The following RHEX variants were observed in gnomAD, a reference collection of about 807,000 sequenced individuals.
The protein encoded by RHEX is regulator of hemoglobinization and erythroid cell expansion protein.
In RHEX, 18 loss-of-function variants were observed where a neutral mutation model predicts 20.1. That is an observed-to-expected ratio of 0.90 (90% CI 0.62 to 1.33). The LOEUF (loss-of-function observed/expected upper bound fraction) is 1.33, where lower values mean the gene tolerates loss of function less well. RHEX is among the 40% of genes most tolerant of loss of function. The probability of loss-of-function intolerance (pLI) is 0.00; values close to 1 mark genes in which losing one functional copy is unlikely to be tolerated. For missense variants in RHEX, 192 were observed against 214.3 expected (o/e 0.90, Z 0.65); for synonymous variants, 87 against 77.1 (o/e 1.13, Z -0.67).
chr1:206,065,175 A>G (rs1662399997), intron 1 of RHEX, among the ~76,000 whole-genome samples: 1 of 152,120 alleles, frequency 6.6e-6, no homozygotes, highest in Non-Finnish European at 1.5e-5. Flanking sequence ...GGAAAACCAG[A>G]GACCTTTGTT....
At chr1:206,061,199 G>A (rs1662302870) in intron 1 of RHEX, 1 of 152,168 alleles carries the variant, frequency 6.6e-6, no homozygotes, top group African/African-American at 2.4e-5. Flanking sequence ...GTGTCTTCCT[G>A]GGAATTTAAC....
At chr1:206,060,261 T>C (rs782789208) in intron 1 of RHEX, 2 of 151,966 alleles carry the variant, frequency 1.3e-5, no homozygotes, top group Non-Finnish European at 1.5e-5. Flanking sequence ...AGATAATGAA[T>C]GTGCCCAATA....
intron 1 of RHEX, among the ~76,000 whole-genome samples, chr1:206,083,326 T>C (rs1175275294): frequency 2.6e-5 from 4 of 152,170 alleles, no homozygotes; most frequent in African/African-American, 9.7e-5. Flanking sequence ...GTATTTGTGG[T>C]ATCTAAATGT....
At chr1:206,086,305 C>T (rs1473256295) in intron 1 of RHEX, among the ~76,000 whole-genome samples, 2 of 152,186 alleles carry the variant, frequency 1.3e-5, no homozygotes, top group Admixed American at 6.5e-5. Flanking sequence ...GGATCATCCT[C>T]TGGTACCTAT....
At chr1:206,064,700 G>C (rs1553283949) in intron 1 of RHEX, among the ~76,000 whole-genome samples, 1 of 151,310 alleles carries the variant, frequency 6.6e-6, no homozygotes, top group African/African-American at 2.4e-5. Context: ...CGGGAGGTGA[G>C]GGGTGCCTCT....
At chr1:206,064,278 C>T (rs1302197213) in intron 1 of RHEX, among the ~76,000 whole-genome samples, 7 of 145,008 alleles carry the variant, frequency 4.8e-5, no homozygotes, top group East Asian at 2.1e-4. Flanking sequence ...GTCAGCCCCC[C>T]GCCCGGCCAG....
At chr1:206,069,886 A>G (rs561941896) in intron 1 of RHEX, among the ~76,000 whole-genome samples, 2 of 152,274 alleles carry the variant, frequency 1.3e-5, no homozygotes, top group African/African-American at 4.8e-5. Flanking sequence ...GGTATTTTCA[A>G]TTTCCTTGGG....
chr1:206,101,103 T>G, intron 4 of RHEX, 33 bp from the exon 5 acceptor site: 1 of 1,591,010 alleles, frequency 6.3e-7, no homozygotes, highest in Non-Finnish European at 8.6e-7. Flanking sequence ...TCTGGCTTGC[T>G]TTGGAAGAGG....
rs1307811481 is a variant in RHEX at position 206,102,254 on chromosome 1, A to C, written c.*302A>C. 7.2e-6 allele frequency: 3 copies of C among 417,734 alleles called. No homozygotes were observed. The highest frequency in any genetic ancestry group is 1.3e-5 in the Non-Finnish European group (3 of 228,268). 25.9% of individuals were successfully genotyped at this position (417,734 alleles called of 1,614,324 possible). ...GATGTTAGGAAGAACTTTCAGGTAA[A>C]GTATGAGAACTATGGAGTCCATCAG... On this transcript the variant is annotated 3_prime_UTR_variant, in exon 6 of 6. Transcript: ENST00000331555.
chr1:206,071,885 AGT>A (rs1662543359), intron 1 of RHEX, among the ~76,000 whole-genome samples: 1 of 152,082 alleles, frequency 6.6e-6, no homozygotes, highest in South Asian at 2.1e-4. Context: ...AGAAAAAGAA[AGT>A]GTAAAAAATT....
At position 206,071,878 on chromosome 1, in the gene RHEX, AAAAG is replaced by A. The variant is rs1474377594; in HGVS notation, c.-97+18618_-97+18621del. ...ACAACTCAAAAAAAAAAAAAAAAGA[AAAAG>A]AAAGTGTAAAAAATTAACAACTGAT... On this transcript the variant is annotated intron_variant, in intron 1 of 5. Transcript: ENST00000331555. 6.6e-5 allele frequency among the ~76,000 whole-genome samples: 10 copies of A among 152,146 alleles called. No homozygotes were observed. The South Asian group carries it at 2.1e-3, about 32-fold the overall frequency.
chr1:206,083,074 G>A (rs1484628087), intron 1 of RHEX, among the ~76,000 whole-genome samples: 4 of 152,148 alleles, frequency 2.6e-5, no homozygotes, highest in South Asian at 2.1e-4. Flanking sequence ...ATTGCCCAAC[G>A]TCCCCTACTC....
Position 206,099,801 on chromosome 1 carries a change from G to C in RHEX, c.256+3G>C. 6.2e-7 allele frequency: 1 copy of C among 1,613,712 alleles called. No individual in the cohort carries two copies. Among genetic ancestry groups the C allele is most frequent in the Non-Finnish European group, 8.5e-7 (1 of 1,179,742 alleles). ...AATGTCTGATTCCCTTTACAGGCGT[G>C]AGTAAGGGGTTGGAGGGAGAACTTG... is the stretch of plus-strand genomic sequence containing the variant. On this transcript the variant is annotated splice_donor_region_variant and intron_variant, in intron 4 of 5. Coordinates refer to ENST00000331555, the MANE Select transcript of RHEX (RefSeq NM_001007544.4).
At chr1:206,097,603 G>A (rs1284290947) in intron 1 of RHEX, 130 bp from the exon 2 acceptor site, 1 of 610,764 alleles carries the variant, frequency 1.6e-6, no homozygotes, top group African/African-American at 1.8e-5. Context: ...ATGTAGGAAA[G>A]TGGGGACTGA....
chr1:206,061,367 G>A (rs1553283301), intron 1 of RHEX: 1 of 152,142 alleles, frequency 6.6e-6, no homozygotes, highest in Non-Finnish European at 1.5e-5. Context: ...AACAACTGAG[G>A]CATCAGACCA....
chr1:206,101,956 C>A lies in RHEX; in HGVS notation c.*4C>A. On this transcript the variant is annotated 3_prime_UTR_variant, in exon 6 of 6. Coordinates refer to ENST00000331555, the MANE Select transcript of RHEX (RefSeq NM_001007544.4). ...ATATGATCAAGTGGCCATGTGAATT[C>A]CAAATATTTTTAATGGGGTCCAGTT... 1.2e-6 allele frequency: 2 copies of A among 1,607,034 alleles called. No individual in the cohort carries two copies. The highest frequency in any genetic ancestry group is 1.1e-5 in the South Asian group (1 of 90,864).
intron 1 of RHEX, among the ~76,000 whole-genome samples, chr1:206,093,525 T>A (rs1553287305): frequency 6.6e-6 from 1 of 152,174 alleles, no homozygotes. Context: ...CACCTCGGCC[T>A]CCCAAAGTGC....
intron 1 of RHEX, among the ~76,000 whole-genome samples, chr1:206,096,776 T>G (rs549723906): frequency 0.015 from 2,181 of 142,110 alleles, 58 homozygotes; most frequent in African/African-American, 0.061. Flanking sequence ...TTTTTTTTTT[T>G]TTTGGTTTTT....
chr1:206,087,397 T>C (rs1662861107), intron 1 of RHEX, among the ~76,000 whole-genome samples: 1 of 152,216 alleles, frequency 6.6e-6, no homozygotes, highest in Non-Finnish European at 1.5e-5. Context: ...CCCTGAACAT[T>C]CTGTCTCTTG....
Sources: allele counts gnomAD v4.1 joint callset (sites outside exome capture counted in the v4.1 genomes callset), GRCh38; gene constraint gnomAD v4.1.1; transcripts MANE v1.5; gene names NCBI Gene and HGNC (gene_info 2026-07-23, HGNC 2026-07-21).